Variants in CUL3 observed in about 807,000 individuals in gnomAD.
CUL3 encodes cullin-3.
In CUL3, 19 loss-of-function variants were observed where a neutral mutation model predicts 89.1. The observed-to-expected ratio is 0.21, with a 90% confidence interval of 0.15 to 0.31. CUL3 has a LOEUF of 0.31. Ranked by LOEUF, CUL3 falls within the 10% of genes least tolerant of loss-of-function variation. CUL3 has a pLI of 1.00. For synonymous variants in CUL3, 351 were observed against 308.4 expected (o/e 1.14, Z -1.45); for missense variants, 469 against 942.3 (o/e 0.50, Z 6.58).
chr2:224,510,072 G>C (rs1157420091), intron 6 of CUL3, among the ~76,000 whole-genome samples: 1 of 152,028 alleles, frequency 6.6e-6, no homozygotes, highest in Non-Finnish European at 1.5e-5. Flanking sequence ...TAGAAACACA[G>C]GATTATTCAT....
At chr2:224,476,569 A>G (rs1311983440) in intron 15 of CUL3, among the ~76,000 whole-genome samples, 1 of 152,178 alleles carries the variant, frequency 6.6e-6, no homozygotes, top group Non-Finnish European at 1.5e-5. Flanking sequence ...AGTTCTTTAA[A>G]TACCCACCCT....
intron 2 of CUL3, among the ~76,000 whole-genome samples, chr2:224,537,490 T>C (rs1050340847): frequency 3.3e-5 from 5 of 152,194 alleles, no homozygotes; most frequent in African/African-American, 1.2e-4. Context: ...AGTTAGTTAA[T>C]GGAAATACTT....
Position 224,585,175 on chromosome 2 carries a change from GGGGCGGC to G in CUL3, c.-173_-167del. 1 of 274,968 alleles carries G rather than the reference GGGGCGGC, an allele frequency of 3.6e-6. No homozygotes were observed. Among genetic ancestry groups the G allele is most frequent in the East Asian group, 8.4e-5 (1 of 11,840 alleles). 17.0% of individuals were successfully genotyped at this position (274,968 alleles called of 1,614,324 possible). A position where few individuals can be genotyped will look rare whatever the true frequency, so the allele number is the denominator to read the frequency against. The stretch of plus-strand genomic sequence containing the variant: ...CCCCTGGGCAGCCGCGGCGGCGGCG[GGGGCGGC>G]GGCGGCGGCGGCGGCGGCTCGGACT... On this transcript the variant is annotated 5_prime_UTR_variant, in exon 1 of 16. Transcript: ENST00000264414.
intron 2 of CUL3, among the ~76,000 whole-genome samples, chr2:224,557,066 A>T (rs1192005325): frequency 6.6e-6 from 1 of 152,150 alleles, no homozygotes; most frequent in African/African-American, 2.4e-5. Context: ...TTGTAATAAA[A>T]TTTATTTTCT....
At chr2:224,500,591 C>T in intron 10 of CUL3, 104 bp from the exon 11 acceptor site, 26 of 850,246 alleles carry the variant, frequency 3.1e-5, no homozygotes, top group Middle Eastern at 3.0e-4. Flanking sequence ...AGCTCCATGT[C>T]TAATATCTAA....
At chr2:224,584,525 A>T (rs1058360) in intron 1 of CUL3, among the ~76,000 whole-genome samples, 114,670 of 151,792 alleles carry the variant, frequency 0.76, 43,938 homozygotes, top group African/African-American at 0.9. Context: ...GGCTGGGTAA[A>T]TTTTCAAAGT....
chr2:224,497,503 A>T (rs945832364), intron 12 of CUL3, among the ~76,000 whole-genome samples: 1 of 152,162 alleles, frequency 6.6e-6, no homozygotes, highest in Non-Finnish European at 1.5e-5. Flanking sequence ...TTATGAATAA[A>T]ATATGTAATT....
At chr2:224,513,716 T>A in intron 4 of CUL3, 78 bp from the exon 5 acceptor site, 1 of 973,506 alleles carries the variant, frequency 1.0e-6, no homozygotes, top group Non-Finnish European at 1.5e-6. Flanking sequence ...AAGGAGTAGG[T>A]AAAAATATCT....
chr2:224,498,772 A>G lies in CUL3; in HGVS notation c.1611-923T>C, dbSNP rs372780206. ...AATTGTGGTGGTGGAGACAGTATAC[A>G]AGATTAATGGATTAAAACCTAGCTG... On this transcript the variant is annotated intron_variant, in intron 11 of 15. Transcript: ENST00000264414. Among the ~76,000 whole-genome samples, 6 of 152,212 alleles carry G rather than the reference A, an allele frequency of 3.9e-5. No homozygotes were observed. The East Asian group carries it at 1.2e-3, about 29-fold the overall frequency.
chr2:224,585,010 G>T lies in CUL3; in HGVS notation c.-1C>A. The T allele has an allele frequency of 6.6e-7, 1 of 1,505,084 alleles. No homozygotes were observed. The highest frequency in any genetic ancestry group is 9.0e-7 in the Non-Finnish European group (1 of 1,115,662). 93.2% of individuals were successfully genotyped at this position (1,505,084 alleles called of 1,614,324 possible). Reference sequence around the variant, plus strand: ...CCGTGCCTTTGCTCAGATTCGACATGGTGCTCGTCCCCTCCCCGGCGGCGG... The same window carrying T: ...CCGTGCCTTTGCTCAGATTCGACATTGTGCTCGTCCCCTCCCCGGCGGCGG... On this transcript the variant is annotated 5_prime_UTR_variant, in exon 1 of 16. Coordinates refer to ENST00000264414, the MANE Select transcript of CUL3 (RefSeq NM_003590.5).
At chr2:224,515,272 C>T (rs960616056) in intron 3 of CUL3, among the ~76,000 whole-genome samples, 5 of 152,192 alleles carry the variant, frequency 3.3e-5, no homozygotes, top group African/African-American at 7.2e-5. Context: ...ATAATTAAAA[C>T]ACCTCTACTT....
chr2:224,584,999 A>C lies in CUL3; in HGVS notation c.11T>G (p.Leu4Arg). The C allele has an allele frequency of 6.6e-7, 1 of 1,509,934 alleles. No homozygotes were observed. Among genetic ancestry groups the C allele is most frequent in the African/African-American group, 1.4e-5 (1 of 69,196 alleles). 93.5% of individuals were successfully genotyped at this position (1,509,934 alleles called of 1,614,324 possible). ...CTTCCGGCTGCCCGTGCCTTTGCTC[A>C]GATTCGACATGGTGCTCGTCCCCTC... MSN[L>R]SKGTGSRKDT... Residue 4 changes from leucine to arginine, a missense_variant, in exon 1 of 16, where the codon CTG (leucine) becomes CGG (arginine). Coordinates refer to ENST00000264414, the MANE Select transcript of CUL3 (RefSeq NM_003590.5).
chr2:224,518,263 T>TA (rs1693138567), intron 3 of CUL3, among the ~76,000 whole-genome samples: 1 of 151,972 alleles, frequency 6.6e-6, no homozygotes, highest in South Asian at 2.1e-4. Context: ...TCATTAAGCA[T>TA]AAAGTTTGTA....
At chr2:224,533,230 G>C (rs772257603) in intron 3 of CUL3, 3 of 152,190 alleles carry the variant, frequency 2.0e-5, no homozygotes, top group Non-Finnish European at 4.4e-5. Flanking sequence ...CTACCGAATG[G>C]GTTTGATGAA....
At chr2:224,575,823 G>A (rs1358328268) in intron 1 of CUL3, among the ~76,000 whole-genome samples, 1 of 152,144 alleles carries the variant, frequency 6.6e-6, no homozygotes, top group Admixed American at 6.5e-5. Context: ...AAACTAGTAG[G>A]ATGACAAGCT....
chr2:224,474,607 G>C, intron 15 of CUL3: 1 of 428,050 alleles, frequency 2.3e-6, no homozygotes, highest in East Asian at 3.9e-5. Context: ...TTGAATAATT[G>C]AATTAGTTGG....
At chr2:224,557,890 A>G in intron 1 of CUL3, 34 bp from the exon 2 acceptor site, 1 of 1,138,686 alleles carries the variant, frequency 8.8e-7, no homozygotes. Context: ...AGACAAAAAA[A>G]AAAAAAAAAA....
At chr2:224,540,102 G>A (rs990239576) in intron 2 of CUL3, among the ~76,000 whole-genome samples, 2 of 150,246 alleles carry the variant, frequency 1.3e-5, no homozygotes, top group African/African-American at 4.9e-5. Flanking sequence ...TGTTGCCCAG[G>A]CTGGGGTCCA....
At chr2:224,566,254 G>C (rs1324780935) in intron 1 of CUL3, among the ~76,000 whole-genome samples, 1 of 152,160 alleles carries the variant, frequency 6.6e-6, no homozygotes, top group Non-Finnish European at 1.5e-5. Context: ...AGCACTGATG[G>C]AACCAATCCG....
Sources: gnomAD v4.1 joint callset for allele counts (sites outside exome capture counted in the v4.1 genomes callset) on GRCh38, gnomAD v4.1.1 for gene constraint, MANE v1.5 for transcripts, NCBI Gene and HGNC (gene_info 2026-07-23, HGNC 2026-07-21) for gene names.